The following GOPC variants were observed in gnomAD, a reference collection of about 807,000 sequenced individuals.
The protein encoded by GOPC is Golgi-associated PDZ and coiled-coil motif-containing protein.
In GOPC, 32 loss-of-function variants were observed where a neutral mutation model predicts 51.2. The observed-to-expected ratio is 0.63, with a 90% confidence interval of 0.47 to 0.84. GOPC has a LOEUF of 0.84. GOPC is among the 40% of genes least tolerant of loss of function. GOPC has a pLI of 0.00. For missense variants in GOPC, 441 were observed against 555.5 expected, an observed-to-expected ratio of 0.79 and a Z score of 2.07; for synonymous variants, 190 against 205.1, an observed-to-expected ratio of 0.93 and a Z score of 0.63.
chr6:117,581,636 A>G (rs1481915730), intron 1 of GOPC, among the ~76,000 whole-genome samples: 1 of 152,226 alleles, frequency 6.6e-6, no homozygotes, highest in African/African-American at 2.4e-5. Context: ...AGATTTGTTC[A>G]TAGCTTGTTT....
At chr6:117,574,808 C>T (rs758586136) in intron 4 of GOPC, among the ~76,000 whole-genome samples, 12 of 152,166 alleles carry the variant, frequency 7.9e-5, no homozygotes, top group African/African-American at 2.2e-4. Flanking sequence ...AGGCCAGGTG[C>T]GGTGGCTCAC....
chr6:117,583,115 C>T (rs1057259751), intron 1 of GOPC, among the ~76,000 whole-genome samples: 4 of 152,034 alleles, frequency 2.6e-5, no homozygotes, highest in Non-Finnish European at 4.4e-5. Context: ...TGCTTGCCTA[C>T]ACACTCCCTC....
At chr6:117,566,251 T>C (rs1022514083) in intron 8 of GOPC, among the ~76,000 whole-genome samples, 1 of 152,144 alleles carries the variant, frequency 6.6e-6, no homozygotes, top group African/African-American at 2.4e-5. Flanking sequence ...AGTATTATTA[T>C]GAAAAGCTTT....
rs1401246438 is a variant in GOPC at position 117,563,505 on chromosome 6, T to C, written c.1259-121A>G. 10 of 878,194 alleles carry C rather than the reference T, an allele frequency of 1.1e-5. 1 individual carries two copies. The highest frequency in any genetic ancestry group is 3.4e-5 in the African/African-American group (2 of 59,524). The allele number at this position is 878,194 out of a possible 1,614,324, so 54.4% of individuals were successfully genotyped here. On this transcript the variant is annotated intron_variant, in intron 8 of 8. Coordinates refer to ENST00000368498, the MANE Select transcript of GOPC (RefSeq NM_020399.4). ...GAGAGGCCAAGGTGGGTGGATAACC[T>C]GAGGTTAGGGGTTCGAGACCAGCCT...
intron 1 of GOPC, among the ~76,000 whole-genome samples, chr6:117,582,441 T>C (rs1456334653): frequency 6.6e-6 from 1 of 151,888 alleles, no homozygotes; most frequent in Non-Finnish European, 1.5e-5. Context: ...CTCTCCCGAC[T>C]GGTTCTTTCT....
chr6:117,591,715 C>CA (rs2114626038), intron 1 of GOPC, among the ~76,000 whole-genome samples: 1 of 152,118 alleles, frequency 6.6e-6, no homozygotes, highest in Non-Finnish European at 1.5e-5. Flanking sequence ...TTTATTGAGG[C>CA]AAAAGCAGCT....
At chr6:117,585,738 C>A (rs1408335248) in intron 1 of GOPC, among the ~76,000 whole-genome samples, 1 of 152,126 alleles carries the variant, frequency 6.6e-6, no homozygotes, top group Non-Finnish European at 1.5e-5. Context: ...AGATTCTGAA[C>A]CCCATACACA....
At position 117,561,061 on chromosome 6, in the gene GOPC, A is replaced by G. The variant is rs758166727; in HGVS notation, c.*2193T>C. On this transcript the variant is annotated 3_prime_UTR_variant, in exon 9 of 9. Coordinates refer to ENST00000368498, the MANE Select transcript of GOPC (RefSeq NM_020399.4). ...TTCTAACACCGGACAGGAAGCTCAC[A>G]GTAGCATCTGAGCAACGGTGCTCTC... 1.9e-4 allele frequency: 43 copies of G among 223,410 alleles called. No individual in the cohort carries two copies. Among genetic ancestry groups the G allele is most frequent in the South Asian group, 3.7e-4 (2 of 5,464 alleles). The allele number at this position is 223,410 out of a possible 1,614,324, so 13.8% of individuals were successfully genotyped here. A position where few individuals can be genotyped will look rare whatever the true frequency, so the allele number is the denominator to read the frequency against.
chr6:117,600,818 G>C (rs1163566257), intron 1 of GOPC, among the ~76,000 whole-genome samples: 1 of 152,142 alleles, frequency 6.6e-6, no homozygotes, highest in Non-Finnish European at 1.5e-5. Flanking sequence ...CTTCATATTA[G>C]CACTTTCTAA....
At chr6:117,564,827 T>C (rs1779661992) in intron 8 of GOPC, among the ~76,000 whole-genome samples, 1 of 152,200 alleles carries the variant, frequency 6.6e-6, no homozygotes, top group Non-Finnish European at 1.5e-5. Flanking sequence ...ACTGCCACAA[T>C]AGTTTTGCTC....
rs746344472 is a variant in GOPC, at chr6:117,602,373, C to CCG, written c.-87_-86dup. The CCG allele has an allele frequency of 1.5e-4, 209 of 1,383,236 alleles. 1 individual carries two copies. Among genetic ancestry groups the CCG allele is most frequent in the Non-Finnish European group, 1.9e-4 (195 of 1,050,132 alleles). The allele number at this position is 1,383,236 out of a possible 1,614,324, so 85.7% of individuals were successfully genotyped here. ...GGAACTGCTGGGACTGAGGGGACCCCCGCGCGCGCGGGCACACTCCGTCAC... is the reference window on the plus strand; with the variant it reads ...GGAACTGCTGGGACTGAGGGGACCCCCGCGCGCGCGCGGGCACACTCCGTCAC... On this transcript the variant is annotated 5_prime_UTR_variant, in exon 1 of 9. Transcript: ENST00000368498.
At chr6:117,568,783 T>C (rs1779749002) in intron 7 of GOPC, among the ~76,000 whole-genome samples, 1 of 152,186 alleles carries the variant, frequency 6.6e-6, no homozygotes, top group South Asian at 2.1e-4. Flanking sequence ...TATCAGCAAG[T>C]CTTCCCTGTA....
At chr6:117,570,386 A>T (rs557982822) in intron 6 of GOPC, among the ~76,000 whole-genome samples, 31 of 152,292 alleles carry the variant, frequency 2.0e-4, no homozygotes, top group African/African-American at 7.2e-4. Context: ...CTTATTCATT[A>T]AAGCACTGAG....
At chr6:117,596,078 G>T (rs968878053) in intron 1 of GOPC, among the ~76,000 whole-genome samples, 5 of 151,186 alleles carry the variant, frequency 3.3e-5, no homozygotes, top group Non-Finnish European at 7.4e-5. Flanking sequence ...TTATTTTTTT[G>T]ATTATAGCCA....
At chr6:117,582,457 A>C (rs898181267) in intron 1 of GOPC, among the ~76,000 whole-genome samples, 5 of 151,878 alleles carry the variant, frequency 3.3e-5, no homozygotes, top group Admixed American at 6.5e-5. Flanking sequence ...TTTCTGAAAA[A>C]GGTCTTTTTA....
intron 1 of GOPC, among the ~76,000 whole-genome samples, chr6:117,593,376 T>C (rs1274987713): frequency 6.6e-6 from 1 of 152,236 alleles, no homozygotes; most frequent in African/African-American, 2.4e-5. Context: ...TTTTTCTATA[T>C]TTGGCTTTTC....
intron 1 of GOPC, among the ~76,000 whole-genome samples, chr6:117,579,496 A>C (rs193137974): frequency 6.6e-6 from 1 of 152,110 alleles, no homozygotes; most frequent in African/African-American, 2.4e-5. Context: ...TCTTCAATCC[A>C]ACGAATACTA....
At chr6:117,595,282 G>A (rs181160159) in intron 1 of GOPC, among the ~76,000 whole-genome samples, 69 of 152,316 alleles carry the variant, frequency 4.5e-4, no homozygotes, top group Middle Eastern at 3.4e-3. Context: ...GTGGCTTCCA[G>A]AGATAACTGC....
Position 117,602,317 on chromosome 6 carries a change from T to G in GOPC, c.-29A>C, listed in dbSNP as rs753103458. 6.5e-7 allele frequency: 1 copy of G among 1,547,688 alleles called. No homozygotes were observed. Among genetic ancestry groups the G allele is most frequent in the Non-Finnish European group, 8.6e-7 (1 of 1,156,270 alleles). ...GCCGTCAAGGGCCTCTCCCGACTGC[T>G]GAAGACCCTCGCCGCCCCCCGCGCA... On this transcript the variant is annotated 5_prime_UTR_variant, in exon 1 of 9. Transcript: ENST00000368498.
Sources: gnomAD v4.1 joint callset for allele counts (sites outside exome capture counted in the v4.1 genomes callset) on GRCh38, gnomAD v4.1.1 for gene constraint, MANE v1.5 for transcripts, NCBI Gene and HGNC (gene_info 2026-07-23, HGNC 2026-07-21) for gene names.